EYS: variants seen among roughly 807,000 people sequenced by gnomAD.
The protein encoded by EYS is EGF-like photoreceptor maintenance factor, also known as protein eyes shut homolog.
Under a neutral mutation model 282.1 loss-of-function variants are expected in EYS, and 250 were observed. That is an observed-to-expected ratio of 0.89 (90% confidence interval 0.80 to 0.98). EYS has a LOEUF of 0.98. Ranked by LOEUF, EYS falls within the 50% of genes least tolerant of loss-of-function variation. The probability of loss-of-function intolerance (pLI) is 0.00; values close to 1 mark genes in which losing one functional copy is unlikely to be tolerated. For missense variants in EYS, 4,016 were observed against 3,709.0 expected, an observed-to-expected ratio of 1.08 and a Z score of -2.15; for synonymous variants, 1,355 against 1,282.9, an observed-to-expected ratio of 1.06 and a Z score of -1.20.
chr6:63,792,359 A>G (rs551418648), intron 37 of EYS, among the ~76,000 whole-genome samples: 2 of 152,098 alleles, frequency 1.3e-5, no homozygotes, highest in Non-Finnish European at 2.9e-5. Flanking sequence ...GATGGAGTAG[A>G]TAAGAGGAAG....
At chr6:64,938,615 T>C (rs1302524853) in intron 15 of EYS, among the ~76,000 whole-genome samples, 2 of 151,672 alleles carry the variant, frequency 1.3e-5, no homozygotes, top group East Asian at 3.9e-4. Context: ...TTTTTTGCTT[T>C]CAGTGGAGTA....
At chr6:64,171,403 GC>G (rs1157175415) in intron 31 of EYS, among the ~76,000 whole-genome samples, 1 of 152,090 alleles carries the variant, frequency 6.6e-6, no homozygotes, top group East Asian at 1.9e-4. Context: ...TCCTTAGGCT[GC>G]ATTTTGCATT....
At chr6:64,673,081 T>A (rs1400753754) in intron 22 of EYS, among the ~76,000 whole-genome samples, 1 of 152,146 alleles carries the variant, frequency 6.6e-6, no homozygotes, top group African/African-American at 2.4e-5. Flanking sequence ...TAGAACCAAT[T>A]TTACCCTTTC....
At chr6:63,984,292 C>T (rs1388043310) in intron 35 of EYS, 91 bp downstream of exon 35, 11 of 846,336 alleles carry the variant, frequency 1.3e-5, no homozygotes, top group East Asian at 2.7e-5. Flanking sequence ...TTGTCATTTT[C>T]GTCTCTCAGA....
intron 26 of EYS, among the ~76,000 whole-genome samples, chr6:64,441,750 A>G (rs896721778): frequency 2.0e-5 from 3 of 152,170 alleles, no homozygotes; most frequent in Admixed American, 2.0e-4. Flanking sequence ...GTTGCCCTGC[A>G]CAAGCTATCT....
intron 31 of EYS, among the ~76,000 whole-genome samples, chr6:64,178,298 G>T (rs1198548455): frequency 6.6e-6 from 1 of 152,036 alleles, no homozygotes; most frequent in African/African-American, 2.4e-5. Context: ...GATGATATTT[G>T]CAGCTCTGGA....
chr6:63,966,792 A>G (rs367998295), intron 35 of EYS, among the ~76,000 whole-genome samples: 12 of 152,314 alleles, frequency 7.9e-5, no homozygotes, highest in African/African-American at 2.9e-4. Context: ...TAATTAATAC[A>G]GTGTAAGCAA....
intron 30 of EYS, among the ~76,000 whole-genome samples, chr6:64,301,774 A>C (rs1260165744): frequency 6.6e-6 from 1 of 151,570 alleles, no homozygotes; most frequent in Non-Finnish European, 1.5e-5. Context: ...AAAATAGTTC[A>C]CTCCCCCATA....
At chr6:65,491,270 TACAC>T (rs57650145) in intron 4 of EYS, 14,719 of 169,760 alleles carry the variant, frequency 0.087, 638 homozygotes, top group South Asian at 0.12. Flanking sequence ...ATCAGTTATA[TACAC>T]ACACACACAC....
At chr6:64,398,761 C>T (rs954267616) in intron 28 of EYS, among the ~76,000 whole-genome samples, 12 of 151,928 alleles carry the variant, frequency 7.9e-5, no homozygotes, top group Admixed American at 5.9e-4. Context: ...CAGGTATGGT[C>T]ATGCAGCCAA....
At chr6:65,382,657 C>T (rs2150350583) in intron 8 of EYS, among the ~76,000 whole-genome samples, 1 of 152,018 alleles carries the variant, frequency 6.6e-6, no homozygotes, top group South Asian at 2.1e-4. Flanking sequence ...AGCTGAGGAG[C>T]AAGGAAGCCA....
At chr6:65,146,610 T>C (rs1469374476) in intron 12 of EYS, among the ~76,000 whole-genome samples, 1 of 152,000 alleles carries the variant, frequency 6.6e-6, no homozygotes, top group African/African-American at 2.4e-5. Context: ...TCTTTAATTA[T>C]TATCCTAGTG....
chr6:64,129,572 C>T (rs1174846654), intron 31 of EYS, among the ~76,000 whole-genome samples: 12 of 152,076 alleles, frequency 7.9e-5, no homozygotes, highest in East Asian at 1.9e-4. Flanking sequence ...TTCTCCCATT[C>T]TGTAGGTTGC....
chr6:64,431,114 C>T (rs1449547334), intron 28 of EYS, among the ~76,000 whole-genome samples: 1 of 150,446 alleles, frequency 6.6e-6, no homozygotes, highest in Non-Finnish European at 1.5e-5. Context: ...ACCCATGGGA[C>T]ACAACACAAG....
chr6:65,336,281 C>G (rs1194284088), intron 10 of EYS, among the ~76,000 whole-genome samples: 1 of 151,686 alleles, frequency 6.6e-6, no homozygotes, highest in African/African-American at 2.4e-5. Context: ...TTTTGGATGA[C>G]ATAATCATTT....
chr6:65,472,614 G>A (rs939962408), intron 5 of EYS, among the ~76,000 whole-genome samples: 2 of 151,862 alleles, frequency 1.3e-5, no homozygotes, highest in African/African-American at 4.8e-5. Context: ...GAAATATAAA[G>A]TGTCTTATTT....
chr6:64,663,144 C>T (rs1224964035), intron 22 of EYS, among the ~76,000 whole-genome samples: 1 of 152,042 alleles, frequency 6.6e-6, no homozygotes, highest in African/African-American at 2.4e-5. Flanking sequence ...ATTAGACTTC[C>T]CAATGTTACT....
At chr6:65,083,277 A>G (rs1774275786) in intron 12 of EYS, among the ~76,000 whole-genome samples, 1 of 152,046 alleles carries the variant, frequency 6.6e-6, no homozygotes, top group Non-Finnish European at 1.5e-5. Context: ...ATGATTTACT[A>G]CTTCATAAAG....
chr6:63,941,308 A>G (rs901169225), intron 35 of EYS, among the ~76,000 whole-genome samples: 14 of 152,156 alleles, frequency 9.2e-5, no homozygotes, highest in Non-Finnish European at 1.6e-4. Context: ...CAACAGTGTA[A>G]AAGTATTCCT....
Sources: allele counts gnomAD v4.1 joint callset (sites outside exome capture counted in the v4.1 genomes callset), GRCh38; gene constraint gnomAD v4.1.1; transcripts MANE v1.5; gene names NCBI Gene and HGNC (gene_info 2026-07-23, HGNC 2026-07-21).